The following SIDT1 variants were observed in gnomAD, a reference collection of about 807,000 sequenced individuals.
SIDT1 encodes SID1 transmembrane family, member 1.
SIDT1 carries 101 observed loss-of-function variants against 107.5 expected under a neutral mutation model. The ratio of observed to expected loss-of-function variants is 0.94; its 90% CI spans 0.80 to 1.11. The LOEUF (loss-of-function observed/expected upper bound fraction) is 1.11. Ranked by LOEUF, SIDT1 falls within the 50% of genes least tolerant of loss-of-function variation. The pLI, the probability that SIDT1 is intolerant of heterozygous loss-of-function variation, is 0.00. For synonymous variants in SIDT1, 395 were observed against 398.2 expected (o/e 0.99, Z 0.10); for missense variants, 1,076 against 1,058.2 (o/e 1.02, Z -0.23).
chr3:113,566,223 T>C (rs979029510), intron 1 of SIDT1, among the ~76,000 whole-genome samples, 197 bp from the exon 2 acceptor site: 1 of 152,188 alleles, frequency 6.6e-6, no homozygotes, highest in Non-Finnish European at 1.5e-5. Flanking sequence ...GGTTACAATA[T>C]GAATGAGGAG....
rs778739679 is a variant in SIDT1 at position 113,616,115 on chromosome 3, G to A, written c.1982G>A (p.Arg661Gln). The A allele has an allele frequency of 3.2e-5, 51 of 1,613,634 alleles. No homozygotes were observed. The highest frequency in any genetic ancestry group is 1.2e-4 in the South Asian group (11 of 91,072). ...GRFKIDLGIFRRAAMVFYTDC... is the reference protein window; with the variant it reads ...GRFKIDLGIFQRAAMVFYTDC... Reference sequence around the variant, plus strand: ...TTATCAGCAGATTTGGGAATTTTCCGGCGGGCTGCCATGGTGTTCTACACA... The same window carrying A: ...TTATCAGCAGATTTGGGAATTTTCCAGCGGGCTGCCATGGTGTTCTACACA... Residue 661 changes from arginine to glutamine, a missense_variant, in exon 20 of 25, where the codon CGG becomes CAG. By Grantham distance (43) the Arg-to-Gln change is conservative. Transcript: ENST00000264852.
At chr3:113,608,341 A>C (rs1467896426) in intron 16 of SIDT1, 78 bp from the exon 17 acceptor site, 2 of 1,535,112 alleles carry the variant, frequency 1.3e-6, no homozygotes, top group African/African-American at 2.7e-5. Flanking sequence ...TGAGGCCAGA[A>C]GCATGTGCTT....
chr3:113,634,095 T>G (rs1423560081), downstream of SIDT1, among the ~76,000 whole-genome samples: 1 of 152,198 alleles, frequency 6.6e-6, no homozygotes, highest in Non-Finnish European at 1.5e-5. Context: ...GTCCCAGTTT[T>G]AATCTCAGCA....
chr3:113,539,237 C>T (rs754708352), intron 1 of SIDT1, among the ~76,000 whole-genome samples: 27 of 152,146 alleles, frequency 1.8e-4, no homozygotes, highest in Admixed American at 6.5e-4. Flanking sequence ...TTAAACATAT[C>T]TGATATATTT....
At chr3:113,583,812 C>A (rs953694420) in intron 7 of SIDT1, among the ~76,000 whole-genome samples, 1 of 152,204 alleles carries the variant, frequency 6.6e-6, no homozygotes, top group Non-Finnish European at 1.5e-5. Context: ...AAGTAATGAT[C>A]TTACACAGCG....
At chr3:113,614,624 C>T (rs1945979123) in intron 19 of SIDT1, among the ~76,000 whole-genome samples, 1 of 152,132 alleles carries the variant, frequency 6.6e-6, no homozygotes, top group Non-Finnish European at 1.5e-5. Context: ...GCCCCTCGGG[C>T]TACACAAGCA....
intron 20 of SIDT1, among the ~76,000 whole-genome samples, chr3:113,617,093 A>T (rs1946162841): frequency 6.6e-6 from 1 of 152,176 alleles, no homozygotes; most frequent in African/African-American, 2.4e-5. Flanking sequence ...CCAAAGAGGT[A>T]CCCTTGTGGA....
At chr3:113,593,168 C>G in intron 10 of SIDT1, 120 bp downstream of exon 10, 1 of 865,210 alleles carries the variant, frequency 1.2e-6, no homozygotes, top group Non-Finnish European at 2.0e-6. Context: ...GATTCCTATC[C>G]CGCAGAGTAG....
chr3:113,559,105 G>A (rs148244133), intron 1 of SIDT1, among the ~76,000 whole-genome samples: 115 of 152,210 alleles, frequency 7.6e-4, no homozygotes, highest in African/African-American at 2.7e-3. Flanking sequence ...TTGTCATTCA[G>A]GTTGTTTCCA....
chr3:113,566,463 T>G lies in SIDT1; in HGVS notation c.266T>G (p.Leu89Arg). The G allele has an allele frequency of 6.2e-7, 1 of 1,614,154 alleles. No homozygotes were observed. Among genetic ancestry groups the G allele is most frequent in the South Asian group, 1.1e-5 (1 of 91,086 alleles). Residue 89 changes from leucine to arginine, a missense_variant, in exon 2 of 25, where the codon CTC (leucine) becomes CGC (arginine). Coordinates refer to ENST00000264852, the MANE Select transcript of SIDT1 (RefSeq NM_017699.3). ...RVYVNSSSEN[L>R]NYPVLVVVRQ... ...TATGTGAACAGTTCCTCTGAGAATC[T>G]CAACTACCCGGTCCTTGTTGTGGTT...
chr3:113,621,086 T>C lies in SIDT1; in HGVS notation c.2090+1360T>C, dbSNP rs544272843. 3.1e-4 allele frequency among the ~76,000 whole-genome samples: 47 copies of C among 152,194 alleles called. 1 individual carries two copies. The highest frequency in any genetic ancestry group is 5.6e-4 in the Non-Finnish European group (38 of 68,036). On this transcript the variant is annotated intron_variant, in intron 21 of 24. Transcript: ENST00000264852. ...ATGGAATGATTTCCCATGAATGATA[T>C]TTTAAAAAGAATTACTTTCGTATGG...
At chr3:113,634,800 T>C in the SIDT1 span, among the ~76,000 whole-genome samples, 2 of 150,234 alleles carry the variant, frequency 1.3e-5, no homozygotes, top group African/African-American at 5.0e-5. Flanking sequence ...CGAGGCTCCA[T>C]CTCGAAAAAA....
intron 19 of SIDT1, among the ~76,000 whole-genome samples, chr3:113,613,758 G>T (rs1176687226): frequency 6.6e-6 from 1 of 152,190 alleles, no homozygotes; most frequent in Non-Finnish European, 1.5e-5. Context: ...GCAGATATAT[G>T]CAATGGTAGT....
intron 6 of SIDT1, chr3:113,581,785 G>C: frequency 4.1e-6 from 1 of 242,126 alleles, no homozygotes; most frequent in Non-Finnish European, 8.2e-6. Flanking sequence ...AGGCAGGAGA[G>C]TCTCTTGAAC....
In SIDT1 at chr3:113,585,153, C is replaced by A. The variant is rs1478738010; in HGVS notation, c.908-24C>A. On this transcript the variant is annotated intron_variant, in intron 8 of 24. Coordinates refer to ENST00000264852, the MANE Select transcript of SIDT1 (RefSeq NM_017699.3). ...TTCTTTTCTGCAGAGGATGACCTGA[C>A]CAAAGTTGTTTCTCTCCCTTCAGAA... 4 of 1,563,564 alleles carry A rather than the reference C, an allele frequency of 2.6e-6. No homozygotes were observed. In the East Asian group the frequency reaches 9.0e-5, roughly 35 times the overall value.
intron 1 of SIDT1, among the ~76,000 whole-genome samples, chr3:113,539,765 G>A (rs775857541): frequency 4.6e-5 from 7 of 152,164 alleles, no homozygotes; most frequent in Admixed American, 1.3e-4. Context: ...TATTTGGGGA[G>A]GCCAAGGTGG....
intron 20 of SIDT1, among the ~76,000 whole-genome samples, chr3:113,618,074 G>A (rs768911783): frequency 2.0e-5 from 3 of 152,048 alleles, no homozygotes; most frequent in Non-Finnish European, 4.4e-5. Context: ...CTCTGGGCTC[G>A]GCCTATTCAT....
intron 2 of SIDT1, among the ~76,000 whole-genome samples, chr3:113,567,166 ACT>A (rs1275745122): frequency 6.6e-6 from 1 of 152,160 alleles, no homozygotes; most frequent in African/African-American, 2.4e-5. Context: ...GGCTTTCTTT[ACT>A]CTCTACTTTA....
intron 9 of SIDT1, among the ~76,000 whole-genome samples, chr3:113,589,529 C>CT (rs386397654): frequency 0.041 from 4,733 of 115,906 alleles, 154 homozygotes; most frequent in East Asian, 0.12. Flanking sequence ...ACTTCTCTCC[C>CT]TTTTTTTTTT....
Sources: gnomAD v4.1 joint callset for allele counts (sites outside exome capture counted in the v4.1 genomes callset) on GRCh38, gnomAD v4.1.1 for gene constraint, MANE v1.5 for transcripts, NCBI Gene and HGNC (gene_info 2026-07-23, HGNC 2026-07-21) for gene names.